Variants in CMTM8 observed in about 807,000 individuals in gnomAD.
CMTM8 encodes the protein CKLF-like MARVEL transmembrane domain-containing protein 8.
In CMTM8, 12 loss-of-function variants were observed where a neutral mutation model predicts 18.6. The ratio of observed to expected loss-of-function variants is 0.65; its 90% confidence interval spans 0.41 to 1.05. CMTM8 has a LOEUF of 1.05. Among genes scored for constraint, CMTM8 ranks in the 50% least tolerant of loss-of-function variants. CMTM8 has a pLI of 0.00. For missense variants in CMTM8, 217 were observed against 227.2 expected (o/e 0.95, Z 0.29); for synonymous variants, 87 against 90.6 (o/e 0.96, Z 0.23).
chr3:32,313,605 C>T (rs910495889), intron 1 of CMTM8, among the ~76,000 whole-genome samples: 1 of 152,114 alleles, frequency 6.6e-6, no homozygotes, highest in Non-Finnish European at 1.5e-5. Context: ...AGGCCTGGCC[C>T]AGCATCCAAA....
intron 1 of CMTM8, among the ~76,000 whole-genome samples, chr3:32,253,870 G>A (rs1702144426): frequency 6.6e-6 from 1 of 151,990 alleles, no homozygotes; most frequent in African/African-American, 2.4e-5. Context: ...GCACTAATGT[G>A]CCCAGCTTGT....
At chr3:32,354,010 CTTGACCTCA>C (rs1379153678) in intron 1 of CMTM8, among the ~76,000 whole-genome samples, 5 of 151,998 alleles carry the variant, frequency 3.3e-5, no homozygotes, top group Non-Finnish European at 7.4e-5. Context: ...GTCTTGATCT[CTTGACCTCA>C]TGATCCGCCC....
chr3:32,367,231 T>TA (rs747444071), intron 2 of CMTM8, among the ~76,000 whole-genome samples: 2 of 152,198 alleles, frequency 1.3e-5, no homozygotes, highest in Non-Finnish European at 2.9e-5. Context: ...CATGGTTTCT[T>TA]AGAGTTTAGA....
At chr3:32,342,366 G>A (rs1696515716) in intron 1 of CMTM8, among the ~76,000 whole-genome samples, 1 of 152,190 alleles carries the variant, frequency 6.6e-6, no homozygotes, top group African/African-American at 2.4e-5. Context: ...CCAGGGGCTT[G>A]GGTACATAGG....
chr3:32,274,537 T>C (rs920854755), intron 1 of CMTM8, among the ~76,000 whole-genome samples: 1 of 152,170 alleles, frequency 6.6e-6, no homozygotes, highest in African/African-American at 2.4e-5. Flanking sequence ...CTGCTTCATA[T>C]TTTATGGAAC....
chr3:32,272,167 T>C (rs986262297), intron 1 of CMTM8, among the ~76,000 whole-genome samples: 9 of 152,258 alleles, frequency 5.9e-5, no homozygotes, highest in African/African-American at 1.7e-4. Context: ...CTGGTCTCCA[T>C]GGTTGTTGTC....
chr3:32,321,772 C>A (rs1024054735), intron 1 of CMTM8, among the ~76,000 whole-genome samples: 1 of 152,032 alleles, frequency 6.6e-6, no homozygotes, highest in Admixed American at 6.6e-5. Flanking sequence ...AATTTTTTTC[C>A]ATTTTTTGTA....
At chr3:32,284,477 C>A (rs1702649647) in intron 1 of CMTM8, among the ~76,000 whole-genome samples, 1 of 152,168 alleles carries the variant, frequency 6.6e-6, no homozygotes, top group Non-Finnish European at 1.5e-5. Context: ...CTTCTACCAG[C>A]CTTTGCATTA....
chr3:32,348,366 CT>C (rs1189582985), intron 1 of CMTM8, among the ~76,000 whole-genome samples: 2 of 151,830 alleles, frequency 1.3e-5, no homozygotes, highest in Non-Finnish European at 2.9e-5. Flanking sequence ...CATGATGTAC[CT>C]TGATTTGGGT....
At chr3:32,327,686 T>A (rs62243332) in intron 1 of CMTM8, among the ~76,000 whole-genome samples, 11,812 of 152,310 alleles carry the variant, frequency 0.078, 631 homozygotes, top group Non-Finnish European at 0.12. Flanking sequence ...GTATTTAATG[T>A]AGGTAGAAAT....
chr3:32,264,841 C>G (rs1292666397), intron 1 of CMTM8, among the ~76,000 whole-genome samples: 1 of 152,044 alleles, frequency 6.6e-6, no homozygotes, highest in Non-Finnish European at 1.5e-5. Flanking sequence ...CAACAAAGAT[C>G]AAAAGAGACA....
At chr3:32,295,481 A>AAAAAAAAAAAAAAAAAAG (rs1559372449) in intron 1 of CMTM8, among the ~76,000 whole-genome samples, 1 of 117,930 alleles carries the variant, frequency 8.5e-6, no homozygotes, top group African/African-American at 3.7e-5. Context: ...AAAAAAAACA[A>AAAAAAAAAAAAAAAAAAG]AACAAAACAG....
chr3:32,313,578 T>C (rs1695863237), intron 1 of CMTM8, among the ~76,000 whole-genome samples: 1 of 152,158 alleles, frequency 6.6e-6, no homozygotes, highest in Admixed American at 6.5e-5. Flanking sequence ...GTGCTGAGAT[T>C]ACAGGTTTGA....
intron 1 of CMTM8, among the ~76,000 whole-genome samples, chr3:32,273,578 T>G (rs1235302607): frequency 6.6e-6 from 1 of 152,080 alleles, no homozygotes; most frequent in Admixed American, 6.6e-5. Context: ...GTGAAAGAAG[T>G]CAGACACAAA....
At chr3:32,353,784 ATTTT>A (rs10648596) in intron 1 of CMTM8, among the ~76,000 whole-genome samples, 1 of 134,064 alleles carries the variant, frequency 7.5e-6, no homozygotes. Flanking sequence ...TTCTGTGTTA[ATTTT>A]TTTTTTTTTT....
chr3:32,338,942 T>G (rs1447805762), intron 1 of CMTM8, among the ~76,000 whole-genome samples: 1 of 152,206 alleles, frequency 6.6e-6, no homozygotes, highest in South Asian at 2.1e-4. Flanking sequence ...GAGAATCAGC[T>G]TCACTCACGT....
At chr3:32,357,831 T>C (rs2289243) in intron 2 of CMTM8, among the ~76,000 whole-genome samples, 95,832 of 152,072 alleles carry the variant, frequency 0.63, 31,069 homozygotes, top group East Asian at 0.79. Context: ...CTCCATTAGA[T>C]TCTCATTTTA....
intron 2 of CMTM8, among the ~76,000 whole-genome samples, chr3:32,365,061 G>C (rs1697005166): frequency 6.6e-6 from 1 of 152,156 alleles, no homozygotes; most frequent in South Asian, 2.1e-4. Context: ...AGATGGCCAA[G>C]TATTGTGGAT....
At chr3:32,240,238 C>T (rs965171040) in intron 1 of CMTM8, among the ~76,000 whole-genome samples, 2 of 152,164 alleles carry the variant, frequency 1.3e-5, no homozygotes, top group African/African-American at 4.8e-5. Context: ...TCTCAGATAC[C>T]ACCCGGACCT....
Sources: allele counts gnomAD v4.1 joint callset (sites outside exome capture counted in the v4.1 genomes callset), GRCh38; gene constraint gnomAD v4.1.1; transcripts MANE v1.5; gene names NCBI Gene and HGNC (gene_info 2026-07-23, HGNC 2026-07-21).